Variants in ADGRF1 observed in about 807,000 individuals in gnomAD.
ADGRF1 encodes the protein G protein-coupled receptor 110.
In ADGRF1, 85 loss-of-function variants were observed where a neutral mutation model predicts 87.2. The observed-to-expected ratio is 0.97, with a 90% CI of 0.82 to 1.17. ADGRF1 has a LOEUF of 1.17. Among genes scored for constraint, ADGRF1 ranks in the 50% most tolerant of loss-of-function variants. The pLI is 0.00. For missense variants in ADGRF1, 1,169 were observed against 1,077.2 expected, an observed-to-expected ratio of 1.09 and a Z score of -1.19; for synonymous variants, 430 against 408.8, an observed-to-expected ratio of 1.05 and a Z score of -0.63.
At position 47,000,047 on chromosome 6, in the gene ADGRF1, A is replaced by T. The variant is rs1234424249; in HGVS notation, c.*175T>A. 2 of 537,578 alleles carry T rather than the reference A, an allele frequency of 3.7e-6. No homozygotes were observed. The highest frequency in any genetic ancestry group is 3.8e-5 in the African/African-American group (2 of 52,704). 33.3% of individuals were successfully genotyped at this position (537,578 alleles called of 1,614,324 possible). ...TCACATGGAAATAAATCTTCTTTTC[A>T]TTTAATTGAAGACAAAAGGGAGCAG... On this transcript the variant is annotated 3_prime_UTR_variant, in exon 15 of 15. Coordinates refer to ENST00000371253, the MANE Select transcript of ADGRF1 (RefSeq NM_153840.4).
intron 2 of ADGRF1, among the ~76,000 whole-genome samples, chr6:47,028,295 A>T (rs1172254549): frequency 6.6e-6 from 1 of 152,162 alleles, no homozygotes; most frequent in Non-Finnish European, 1.5e-5. Flanking sequence ...GTAGTGAGAA[A>T]TTTTTGAATT....
At position 47,001,459 on chromosome 6, in the gene ADGRF1, C is replaced by A. The variant is rs771551858; in HGVS notation, c.2659+42G>T. ...TATTCATATGATATACTCATATACT[C>A]TTTTCACACCTTTTATAACCTTTGG... is the stretch of plus-strand genomic sequence containing the variant. On this transcript the variant is annotated intron_variant, in intron 14 of 14. Coordinates refer to ENST00000371253, the MANE Select transcript of ADGRF1 (RefSeq NM_153840.4). The A allele has an allele frequency of 3.3e-6, 5 of 1,532,138 alleles. No individual in the cohort carries two copies. The Admixed American group carries it at 5.1e-5, about 16-fold the overall frequency. The allele number at this position is 1,532,138 out of a possible 1,614,324, so 94.9% of individuals were successfully genotyped here.
chr6:47,019,914 G>A, intron 7 of ADGRF1: 1 of 985,330 alleles, frequency 1.0e-6, no homozygotes, highest in Admixed American at 6.1e-5. Flanking sequence ...TTTATTTGCT[G>A]TAAACAATGA....
rs1779628246 is a variant in ADGRF1, at chr6:47,009,413, C to G, written c.2022G>C (p.Trp674Cys). 6.2e-7 allele frequency: 1 copy of G among 1,613,886 alleles called. No individual in the cohort carries two copies. The highest frequency in any genetic ancestry group is 2.2e-5 in the East Asian group (1 of 44,846). ...THFFYLSLFF[W>C]MLMLGILLAY... ...CCAGCAGGATGCCAAGCATGAGCAT[C>G]CAGAAGAACAAAGAGAGGTAGAAGA... is the stretch of plus-strand genomic sequence containing the variant. The change falls in exon 11 of 15, where the codon TGG becomes TGC. Residue 674 changes from tryptophan (W) to cysteine (C), a missense_variant. Trp to Cys is a radical substitution (Grantham distance 215). Coordinates refer to ENST00000371253, the MANE Select transcript of ADGRF1 (RefSeq NM_153840.4).
intron 12 of ADGRF1, 82 bp downstream of exon 12, chr6:47,007,171 T>C: frequency 1.3e-6 from 1 of 770,388 alleles, no homozygotes; most frequent in Non-Finnish European, 2.1e-6. Flanking sequence ...CCTCTTATTA[T>C]ATGAATAAAG....
chr6:47,007,598 C>G (rs976487298), intron 11 of ADGRF1, among the ~76,000 whole-genome samples: 2 of 152,200 alleles, frequency 1.3e-5, no homozygotes, highest in Non-Finnish European at 2.9e-5. Context: ...AAATAGCATC[C>G]TTTTTTGTCT....
At chr6:47,012,290 G>T in intron 9 of ADGRF1, 95 bp from the exon 10 acceptor site, 2 of 1,538,976 alleles carry the variant, frequency 1.3e-6, no homozygotes, top group Non-Finnish European at 8.8e-7. Context: ...ACTAACATTT[G>T]TATGGTGTGT....
At chr6:47,018,926 T>G (rs1157721073) in intron 7 of ADGRF1, 1 of 184,146 alleles carries the variant, frequency 5.4e-6, no homozygotes, top group Non-Finnish European at 1.1e-5. Flanking sequence ...AGACCTCAAC[T>G]AATTAGCCAA....
rs773548707 is a variant in ADGRF1, at chr6:47,020,745, C to T, written c.597G>A (p.Gln199=). The T allele has an allele frequency of 6.2e-7, 1 of 1,613,978 alleles. No homozygotes were observed. The highest frequency in any genetic ancestry group is 2.2e-5 in the East Asian group (1 of 44,862). Residue 199 remains glutamine, a synonymous_variant, in exon 7 of 15, where the codon CAG becomes CAA. Coordinates refer to ENST00000371253, the MANE Select transcript of ADGRF1 (RefSeq NM_153840.4). ...GTGTTACTTACCGAAATTGGGTGAC[C>T]TGAACCGACTCAAAACCTTGAATTC... ...YERIQGFESV[Q]VTQFRNGSIV...
At position 47,013,013 on chromosome 6, in the gene ADGRF1, C is replaced by T. The variant is rs138352903; in HGVS notation, c.928-818G>A. 4.9e-4 allele frequency: 453 copies of T among 932,294 alleles called. 2 individuals are homozygous for T. In the African/African-American group the frequency reaches 7.5e-3, roughly 15 times the overall value. The allele number at this position is 932,294 out of a possible 1,614,324, so 57.8% of individuals were successfully genotyped here. The stretch of plus-strand genomic sequence containing the variant: ...GGTCTTGAACTCTTGACCTCATGAT[C>T]TGCCCGGCTTGGCCTCCCAAAGTGC... On this transcript the variant is annotated intron_variant, in intron 9 of 14. Transcript: ENST00000371253.
At chr6:47,026,108 C>G in intron 3 of ADGRF1, 105 bp from the exon 4 acceptor site, 1 of 950,856 alleles carries the variant, frequency 1.1e-6, no homozygotes, top group Non-Finnish European at 1.5e-6. Context: ...AGGGACTCTA[C>G]CATGCTGCTT....
intron 9 of ADGRF1, chr6:47,013,761 G>A (rs1340783224): frequency 3.6e-6 from 2 of 559,188 alleles, no homozygotes; most frequent in Non-Finnish European, 4.5e-6. Context: ...GGATCATGGA[G>A]GTGGTTTCTA....
chr6:47,024,303 A>G, intron 4 of ADGRF1, 86 bp from the exon 5 acceptor site: 1 of 938,992 alleles, frequency 1.1e-6, no homozygotes, highest in Non-Finnish European at 1.6e-6. Flanking sequence ...ATATATGTTT[A>G]TTTTTCAGAT....
At position 47,030,965 on chromosome 6, in the gene ADGRF1, G is replaced by C. The variant is rs550555373; in HGVS notation, c.-43-1861C>G. Among the ~76,000 whole-genome samples the C allele has an allele frequency of 5.9e-5, 9 of 152,226 alleles. No individual in the cohort carries two copies. In the South Asian group the frequency reaches 1.7e-3, roughly 28 times the overall value. On this transcript the variant is annotated intron_variant, in intron 1 of 14. Coordinates refer to ENST00000371253, the MANE Select transcript of ADGRF1 (RefSeq NM_153840.4). ...TTTAGTCGAGATGGGATGTCACCAT[G>C]TTGGTCAGGCTGGTCTCAAACTCCA...
chr6:47,011,993 C>T lies in ADGRF1; in HGVS notation c.1116+14G>A, dbSNP rs1197887853. On this transcript the variant is annotated intron_variant, in intron 10 of 14. Transcript: ENST00000371253. ...GCATTTAAAGTGAGCCCTTCAAGCA[C>T]AGGCAGACCATACCTCCATTGTTGA... is the stretch of plus-strand genomic sequence containing the variant. The T allele has an allele frequency of 6.2e-7, 1 of 1,607,402 alleles. No individual in the cohort carries two copies. Among genetic ancestry groups the T allele is most frequent in the Non-Finnish European group, 8.5e-7 (1 of 1,174,450 alleles).
At chr6:47,018,148 G>T (rs1190774081) in intron 7 of ADGRF1, 4 of 242,508 alleles carry the variant, frequency 1.6e-5, no homozygotes, top group East Asian at 2.4e-4. Flanking sequence ...AGACTGTCAA[G>T]TAGGCCGTTG....
At chr6:47,033,601 C>T (rs765036176) in intron 1 of ADGRF1, among the ~76,000 whole-genome samples, 3 of 152,278 alleles carry the variant, frequency 2.0e-5, no homozygotes, top group African/African-American at 4.8e-5. Context: ...GCCTCACATG[C>T]GCCCATGCGC....
intron 1 of ADGRF1, among the ~76,000 whole-genome samples, chr6:47,030,222 C>A (rs1486628746): frequency 6.6e-6 from 1 of 152,200 alleles, no homozygotes; most frequent in African/African-American, 2.4e-5. Flanking sequence ...TGGCCTATGT[C>A]TCAGCAGAGA....
intron 8 of ADGRF1, 111 bp downstream of exon 8, chr6:47,016,506 T>C: frequency 8.1e-7 from 1 of 1,238,536 alleles, no homozygotes. Context: ...GAAAGGCAGT[T>C]AGAGAACAAT....
Sources: allele counts gnomAD v4.1 joint callset (sites outside exome capture counted in the v4.1 genomes callset), GRCh38; gene constraint gnomAD v4.1.1; transcripts MANE v1.5; gene names NCBI Gene and HGNC (gene_info 2026-07-23, HGNC 2026-07-21).